Variants in SCN2A observed in about 807,000 individuals in gnomAD.
The protein encoded by SCN2A is sodium voltage-gated channel alpha subunit 2.
A neutral mutation model predicts 188.7 loss-of-function variants in SCN2A; 20 were observed. The observed-to-expected ratio is 0.11, with a 90% confidence interval of 0.07 to 0.15. The LOEUF (loss-of-function observed/expected upper bound fraction) is 0.15. Ranked by LOEUF, SCN2A falls within the 10% of genes least tolerant of loss-of-function variation. The pLI, the probability that SCN2A is intolerant of heterozygous loss-of-function variation, is 1.00. For synonymous variants in SCN2A, 804 were observed against 833.1 expected (o/e 0.97, Z 0.60); for missense variants, 1,278 against 2,445.0 (o/e 0.52, Z 10.07).
intron 19 of SCN2A, among the ~76,000 whole-genome samples, chr2:165,368,936 A>ATTG (rs1700875571): frequency 6.6e-6 from 1 of 151,540 alleles, no homozygotes; most frequent in South Asian, 2.1e-4. Context: ...TATTATTATT[A>ATTG]TTATTATTTT....
chr2:165,283,659 T>C (rs1196688245), intron 1 of SCN2A, among the ~76,000 whole-genome samples: 1 of 152,222 alleles, frequency 6.6e-6, no homozygotes, highest in Non-Finnish European at 1.5e-5. Context: ...TGGGATTCTA[T>C]AAACATCTTA....
intron 19 of SCN2A, among the ~76,000 whole-genome samples, chr2:165,369,708 A>G (rs1254551895): frequency 6.6e-6 from 1 of 152,078 alleles, no homozygotes; most frequent in East Asian, 1.9e-4. Flanking sequence ...GAGACAAGAA[A>G]GTGAGCAATG....
chr2:165,333,804 A>G (rs1698830866), intron 14 of SCN2A, among the ~76,000 whole-genome samples: 1 of 151,606 alleles, frequency 6.6e-6, no homozygotes, highest in Non-Finnish European at 1.5e-5. Context: ...GAGAAAAACA[A>G]CAGAGAAAAA....
intron 1 of SCN2A, among the ~76,000 whole-genome samples, chr2:165,254,399 G>T: frequency 6.6e-6 from 1 of 151,590 alleles, no homozygotes; most frequent in South Asian, 2.1e-4. Context: ...TCATTTTTGA[G>T]GGTGTTCTTT....
intron 23 of SCN2A, among the ~76,000 whole-genome samples, chr2:165,379,089 C>T (rs753236392): frequency 7.9e-5 from 12 of 151,728 alleles, no homozygotes; most frequent in Admixed American, 2.0e-4. Context: ...TTTAATACTG[C>T]AATTCTACTT....
chr2:165,390,959 A>G lies in SCN2A; in HGVS notation c.*1135A>G, dbSNP rs1171665698. 2.0e-5 allele frequency: 3 copies of G among 152,592 alleles called. No individual in the cohort carries two copies. Among genetic ancestry groups the G allele is most frequent in the African/African-American group, 7.2e-5 (3 of 41,444 alleles). 9.5% of individuals were successfully genotyped at this position (152,592 alleles called of 1,614,324 possible). Reference sequence around the variant, plus strand: ...TTACCCAGTGGTGCATGTTTGAGCAAACAAAAATGATGATTTAAGCACACT... The same window carrying G: ...TTACCCAGTGGTGCATGTTTGAGCAGACAAAAATGATGATTTAAGCACACT... On this transcript the variant is annotated 3_prime_UTR_variant, in exon 27 of 27. Coordinates refer to ENST00000375437, the MANE Select transcript of SCN2A (RefSeq NM_001040142.2).
chr2:165,296,588 A>G (rs575911511), intron 2 of SCN2A: 1 of 186,774 alleles, frequency 5.4e-6, no homozygotes, highest in East Asian at 1.5e-4. Context: ...CTCTCCACAG[A>G]AGGAATAATA....
chr2:165,370,414 A>G (rs1193607961), intron 20 of SCN2A, 115 bp downstream of exon 20: 7 of 1,064,604 alleles, frequency 6.6e-6, no homozygotes, highest in African/African-American at 1.6e-5. Context: ...AATATAAATT[A>G]TGTTTCTCAT....
intron 1 of SCN2A, among the ~76,000 whole-genome samples, chr2:165,262,885 CT>C (rs1694668551): frequency 6.6e-6 from 1 of 152,060 alleles, no homozygotes. Flanking sequence ...AAAGTGTTCC[CT>C]TTTTACCACA....
At chr2:165,262,055 G>A (rs1008771374) in intron 1 of SCN2A, among the ~76,000 whole-genome samples, 4 of 152,086 alleles carry the variant, frequency 2.6e-5, no homozygotes, top group South Asian at 2.1e-4. Flanking sequence ...GTTGCAATAC[G>A]GTCTGGATGT....
At chr2:165,349,599 G>A (rs1265388110) in intron 16 of SCN2A, among the ~76,000 whole-genome samples, 1 of 152,128 alleles carries the variant, frequency 6.6e-6, no homozygotes, top group Non-Finnish European at 1.5e-5. Flanking sequence ...TGTGATGTAT[G>A]CATAAAAAGA....
At chr2:165,313,804 C>A (rs377365519) in intron 9 of SCN2A, 43 bp downstream of exon 9, 5 of 1,612,750 alleles carry the variant, frequency 3.1e-6, no homozygotes, top group South Asian at 1.1e-5. Context: ...CATAAAACAC[C>A]GAACTCAAGA....
chr2:165,309,219 A>G (rs1697299615), intron 5 of SCN2A, 133 bp from the exon 6 acceptor site: 1 of 1,613,518 alleles, frequency 6.2e-7, no homozygotes, highest in Non-Finnish European at 8.5e-7. Context: ...GAACTTTCAG[A>G]GTCTTGAGAG....
At chr2:165,259,651 A>G (rs73021897) in intron 1 of SCN2A, among the ~76,000 whole-genome samples, 1,779 of 152,258 alleles carry the variant, frequency 0.012, 28 homozygotes, top group African/African-American at 0.04. Flanking sequence ...ATTGAGTCAC[A>G]TTTTCAGGCT....
intron 1 of SCN2A, chr2:165,273,060 G>C (rs1175888094): frequency 6.6e-6 from 1 of 152,018 alleles, no homozygotes; most frequent in Non-Finnish European, 1.5e-5. Flanking sequence ...ATTGGATCTT[G>C]GTTCAACCAA....
chr2:165,350,690 T>C (rs1559381134), intron 16 of SCN2A, among the ~76,000 whole-genome samples: 1 of 53,110 alleles, frequency 1.9e-5, no homozygotes, highest in Admixed American at 2.3e-4. Context: ...GCCGGGATGG[T>C]CTCGATCTCC....
Position 165,380,962 on chromosome 2 carries a change from G to T in SCN2A, c.4447-131G>T, listed in dbSNP as rs571371933. On this transcript the variant is annotated intron_variant, in intron 24 of 26. Coordinates refer to ENST00000375437, the MANE Select transcript of SCN2A (RefSeq NM_001040142.2). ...GGCATAATTTATATATTGAATAAAG[G>T]CATCTCTATAAATACAGATATTAGT... 2.3e-4 allele frequency: 161 copies of T among 708,250 alleles called. 1 individual carries two copies. The South Asian group carries it at 2.8e-3, about 13-fold the overall frequency. The allele number at this position is 708,250 out of a possible 1,614,324, so 43.9% of individuals were successfully genotyped here.
At chr2:165,366,312 A>G (rs763135107) in intron 18 of SCN2A, among the ~76,000 whole-genome samples, 2 of 152,198 alleles carry the variant, frequency 1.3e-5, no homozygotes, top group African/African-American at 4.8e-5. Context: ...CAATTTTTTG[A>G]CAATAGTAGA....
chr2:165,300,928 G>A lies in SCN2A; in HGVS notation c.386+3793G>A, dbSNP rs201097379. On this transcript the variant is annotated intron_variant, in intron 3 of 26. Transcript: ENST00000375437. ...GAGTGGAAGCAAGGAGACTGGGACC[G>A]ATTGTCATTATGAAGGCAAGAGAGC... Among the ~76,000 whole-genome samples the A allele has an allele frequency of 5.3e-5, 8 of 152,094 alleles. No individual in the cohort carries two copies. The East Asian group carries it at 1.5e-3, about 29-fold the overall frequency.
Sources: gnomAD v4.1 joint callset for allele counts (sites outside exome capture counted in the v4.1 genomes callset) on GRCh38, gnomAD v4.1.1 for gene constraint, MANE v1.5 for transcripts, NCBI Gene and HGNC (gene_info 2026-07-23, HGNC 2026-07-21) for gene names.